Variants in SNX18 observed in about 807,000 individuals in gnomAD.
SNX18 encodes the protein sorting nexin-18.
SNX18 carries 35 observed loss-of-function variants against 48.7 expected under a neutral mutation model. The ratio of observed to expected loss-of-function variants is 0.72; its 90% CI spans 0.55 to 0.95. The LOEUF is 0.95. Among genes scored for constraint, SNX18 ranks in the 40% least tolerant of loss-of-function variants. The probability of loss-of-function intolerance (pLI) is 0.00; values close to 1 mark genes in which losing one functional copy is unlikely to be tolerated. For missense variants in SNX18, 824 were observed against 871.0 expected (o/e 0.95, Z 0.68); for synonymous variants, 492 against 384.7 (o/e 1.28, Z -3.26).
the SNX18 span, among the ~76,000 whole-genome samples, chr5:54,581,982 C>T: frequency 6.6e-6 from 1 of 152,178 alleles, no homozygotes; most frequent in Admixed American, 6.5e-5. Flanking sequence ...TTCACTTCAG[C>T]CCTTTGCAGA....
chr5:54,565,420 A>C, the SNX18 span, among the ~76,000 whole-genome samples: 10 of 152,246 alleles, frequency 6.6e-5, 1 homozygote, highest in Admixed American at 5.9e-4. Flanking sequence ...CGAAAGAAAA[A>C]AAAAATACTG....
chr5:54,517,794 G>C lies in SNX18; in HGVS notation c.-159G>C. The C allele has an allele frequency of 1.5e-6, 1 of 648,482 alleles. No homozygotes were observed. Among genetic ancestry groups the C allele is most frequent in the Non-Finnish European group, 2.2e-6 (1 of 456,760 alleles). The allele number at this position is 648,482 out of a possible 1,614,324, so 40.2% of individuals were successfully genotyped here. A position where few individuals can be genotyped will look rare whatever the true frequency, so the allele number is the denominator to read the frequency against. ...GCGAAGTGGAGGCGCTGCGAGCGGA[G>C]CCGCGCGGAGGGCGCGACCGGCTGG... On this transcript the variant is annotated 5_prime_UTR_variant, in exon 1 of 2. Transcript: ENST00000381410.
At chr5:54,613,234 A>G in the SNX18 span, among the ~76,000 whole-genome samples, 2 of 152,332 alleles carry the variant, frequency 1.3e-5, no homozygotes, top group South Asian at 2.1e-4. Context: ...TTATGCTTCT[A>G]TAACAGAATT....
At chr5:54,592,283 A>C in the SNX18 span, among the ~76,000 whole-genome samples, 6 of 152,022 alleles carry the variant, frequency 3.9e-5, no homozygotes, top group Non-Finnish European at 8.8e-5. Context: ...TCTTTTCTTC[A>C]TCTCACCTGA....
At chr5:54,592,775 C>A in the SNX18 span, among the ~76,000 whole-genome samples, 2 of 152,094 alleles carry the variant, frequency 1.3e-5, no homozygotes, top group Non-Finnish European at 2.9e-5. Flanking sequence ...CTGCCTCTTG[C>A]TGAGTCCTTA....
the SNX18 span, among the ~76,000 whole-genome samples, chr5:54,576,771 G>GTGTTTGTT: frequency 2.7e-3 from 342 of 128,500 alleles, 3 homozygotes; most frequent in African/African-American, 8.8e-3. Flanking sequence ...GCAAGTAGCT[G>GTGTTTGTT]TGTTTGTTTG....
At chr5:54,575,751 C>T in the SNX18 span, among the ~76,000 whole-genome samples, 2 of 152,052 alleles carry the variant, frequency 1.3e-5, no homozygotes, top group Admixed American at 6.6e-5. Flanking sequence ...GGAGAGAACA[C>T]CCTTCTCACC....
At chr5:54,625,280 C>A in the SNX18 span, among the ~76,000 whole-genome samples, 1 of 152,172 alleles carries the variant, frequency 6.6e-6, no homozygotes, top group African/African-American at 2.4e-5. Context: ...TTCTGCGGGT[C>A]CGGCCTTGCT....
chr5:54,579,524 C>A, the SNX18 span, among the ~76,000 whole-genome samples: 2 of 152,110 alleles, frequency 1.3e-5, no homozygotes, highest in African/African-American at 4.8e-5. Flanking sequence ...CATTTATGAC[C>A]TCCTTCATCC....
the SNX18 span, among the ~76,000 whole-genome samples, chr5:54,573,594 G>T: frequency 2.5e-3 from 374 of 152,316 alleles, 1 homozygote; most frequent in Middle Eastern, 0.02. Context: ...ACAAGAAGTA[G>T]CAGAGATGAA....
chr5:54,590,612 A>T, the SNX18 span, among the ~76,000 whole-genome samples: 6 of 152,094 alleles, frequency 3.9e-5, no homozygotes, highest in Non-Finnish European at 5.9e-5. Flanking sequence ...CCCCAACCCC[A>T]ACCCCAATCT....
At position 54,518,482 on chromosome 5, in the gene SNX18, C is replaced by T. The variant is rs1421259288; in HGVS notation, c.530C>T (p.Pro177Leu). The change falls in exon 1 of 2, where the codon CCG (proline) becomes CTG (leucine). Residue 177 changes from proline to leucine, a missense_variant. Pro to Leu is a moderately conservative substitution (Grantham distance 98). Around this residue, in one of 3 missense-constraint regions of SNX18, gnomAD observed 377 missense variants for 350.6 expected, o/e 1.08. Transcript: ENST00000381410. ...GGCGCTCTGGGCAGCGGAGCATACC[C>T]GGACCTCGACGGCTCGTCTTCGGCG... is the stretch of plus-strand genomic sequence containing the variant. ...EPGALGSGAY[P>L]DLDGSSSAGV... 15 of 1,569,090 alleles carry T rather than the reference C, an allele frequency of 9.6e-6. No individual in the cohort carries two copies. Among genetic ancestry groups the T allele is most frequent in the Non-Finnish European group, 1.2e-5 (14 of 1,157,680 alleles).
the SNX18 span, among the ~76,000 whole-genome samples, chr5:54,640,559 C>T: frequency 5.9e-5 from 9 of 152,206 alleles, no homozygotes; most frequent in East Asian, 1.9e-4. Flanking sequence ...GCCTACAAGA[C>T]GAAATAGTAA....
At chr5:54,623,128 T>C in the SNX18 span, among the ~76,000 whole-genome samples, 44 of 152,214 alleles carry the variant, frequency 2.9e-4, no homozygotes, top group African/African-American at 1.0e-3. Context: ...GATAATCTGC[T>C]TACGTGAGAA....
the SNX18 span, among the ~76,000 whole-genome samples, chr5:54,613,750 G>A: frequency 1.3e-5 from 2 of 152,208 alleles, no homozygotes; most frequent in South Asian, 4.1e-4. Context: ...CCAGGCTGGA[G>A]TACAATGGTG....
At chr5:54,620,706 C>T in the SNX18 span, among the ~76,000 whole-genome samples, 8 of 152,252 alleles carry the variant, frequency 5.3e-5, no homozygotes, top group East Asian at 1.5e-3. Flanking sequence ...AACAAAATAC[C>T]ATAGACTGGG....
At chr5:54,586,226 G>T in the SNX18 span, among the ~76,000 whole-genome samples, 1 of 152,142 alleles carries the variant, frequency 6.6e-6, no homozygotes, top group Non-Finnish European at 1.5e-5. Context: ...CTTTACCTTG[G>T]ACTCTGGAAA....
chr5:54,568,344 G>A, the SNX18 span, among the ~76,000 whole-genome samples: 312 of 152,296 alleles, frequency 2.0e-3, 6 homozygotes, highest in Middle Eastern at 0.041. Context: ...CAGTCCACCT[G>A]CCCAAATCTA....
chr5:54,520,121 C>T (rs1761989953), intron 1 of SNX18: 1 of 343,580 alleles, frequency 2.9e-6, no homozygotes, highest in East Asian at 4.9e-5. Flanking sequence ...GCAACCTTTA[C>T]GAAGTGAAGT....
Sources: gnomAD v4.1 joint callset for allele counts (sites outside exome capture counted in the v4.1 genomes callset) on GRCh38, gnomAD v4.1.1 for gene constraint, gnomAD v4.1.1 regional missense constraint, MANE v1.5 for transcripts, NCBI Gene and HGNC (gene_info 2026-07-23, HGNC 2026-07-21) for gene names.